The following NFATC1 variants were observed in gnomAD, a reference collection of about 807,000 sequenced individuals.
NFATC1 encodes nuclear factor of activated T-cells, cytoplasmic 1.
Under a neutral mutation model 76.0 loss-of-function variants are expected in NFATC1, and 22 were observed. The observed-to-expected ratio is 0.29, with a 90% CI of 0.21 to 0.41. The LOEUF (loss-of-function observed/expected upper bound fraction) is 0.41. Ranked by LOEUF, NFATC1 falls within the 10% of genes least tolerant of loss-of-function variation. NFATC1 has a pLI of 1.00. For missense variants in NFATC1, 1,357 were observed against 1,337.7 expected, an observed-to-expected ratio of 1.01 and a Z score of -0.23; for synonymous variants, 704 against 613.1, an observed-to-expected ratio of 1.15 and a Z score of -2.19.
rs1321601828 is a variant in NFATC1, at chr18:79,410,159, T to C, written c.128-244T>C. ...GACGTTCGGGGGCTTGTGCTGCTGT[T>C]AGGGGAGGAGGGGAGGTGGGCAGTG... On this transcript the variant is annotated intron_variant, in intron 1 of 9. Transcript: ENST00000427363. The surrounding 1 kb of genome is among the most constrained non-coding windows in gnomAD (Gnocchi z 6.7). The C allele has an allele frequency of 1.3e-6, 1 of 761,002 alleles. No homozygotes were observed. The highest frequency in any genetic ancestry group is 2.5e-5 in the East Asian group (1 of 40,560). The allele number at this position is 761,002 out of a possible 1,614,324, so 47.1% of individuals were successfully genotyped here.
chr18:79,453,171 T>C (rs960381215), intron 6 of NFATC1, among the ~76,000 whole-genome samples: 2 of 152,252 alleles, frequency 1.3e-5, no homozygotes, highest in Non-Finnish European at 2.9e-5. Context: ...TGTCCACGCG[T>C]TGGCGGAGAA....
intron 8 of NFATC1, among the ~76,000 whole-genome samples, chr18:79,484,355 C>G (rs2089434076): frequency 6.6e-6 from 1 of 152,234 alleles, no homozygotes; most frequent in South Asian, 2.1e-4. Flanking sequence ...AGGCTGCGTC[C>G]TGGGAAGGCC....
chr18:79,396,978 GAGA>G (rs2085027588), intron 1 of NFATC1, among the ~76,000 whole-genome samples: 1 of 152,242 alleles, frequency 6.6e-6, no homozygotes, highest in Non-Finnish European at 1.5e-5. Flanking sequence ...GTTCCAGCCA[GAGA>G]AGATGTTTCA....
intron 3 of NFATC1, among the ~76,000 whole-genome samples, chr18:79,434,842 G>A (rs1568957953): frequency 6.6e-6 from 1 of 152,264 alleles, no homozygotes; most frequent in South Asian, 2.1e-4. Context: ...AGGCGTTTTC[G>A]CCAGCACTTG....
chr18:79,464,360 G>A (rs2088320185), intron 7 of NFATC1, among the ~76,000 whole-genome samples: 1 of 147,650 alleles, frequency 6.8e-6, no homozygotes, highest in Admixed American at 6.8e-5. Flanking sequence ...CTCCCAAAGT[G>A]CTGGGATTAC....
At chr18:79,432,129 T>C (rs1460056161) in intron 2 of NFATC1, among the ~76,000 whole-genome samples, 12 of 152,254 alleles carry the variant, frequency 7.9e-5, no homozygotes, top group Non-Finnish European at 1.6e-4. Flanking sequence ...GCATGGAACC[T>C]GCCCTTCTCG....
chr18:79,428,536 G>C (rs1048698147), intron 2 of NFATC1, among the ~76,000 whole-genome samples: 2 of 152,246 alleles, frequency 1.3e-5, no homozygotes, highest in Non-Finnish European at 1.5e-5. Flanking sequence ...GGAGTTGGTT[G>C]TGTGGATGTT....
At chr18:79,484,844 G>C (rs1223514365) in intron 8 of NFATC1, among the ~76,000 whole-genome samples, 1 of 152,108 alleles carries the variant, frequency 6.6e-6, no homozygotes, top group Non-Finnish European at 1.5e-5. Context: ...GCCGGGACCT[G>C]TGCGGGGGGG....
intron 3 of NFATC1, among the ~76,000 whole-genome samples, chr18:79,442,636 C>T (rs1008779598): frequency 1.6e-4 from 25 of 152,234 alleles, no homozygotes; most frequent in African/African-American, 4.6e-4. Flanking sequence ...CACAGACGTG[C>T]GGTGGCGGCG....
At chr18:79,514,049 G>C (rs1291911693) in intron 9 of NFATC1, among the ~76,000 whole-genome samples, 1 of 152,200 alleles carries the variant, frequency 6.6e-6, no homozygotes, top group Non-Finnish European at 1.5e-5. Flanking sequence ...CGGAGTGGCA[G>C]GTTCCTCCAG....
intron 2 of NFATC1, among the ~76,000 whole-genome samples, chr18:79,428,139 G>A (rs913692213): frequency 2.6e-5 from 4 of 152,076 alleles, no homozygotes; most frequent in Non-Finnish European, 4.4e-5. Context: ...GCTTCTGTGC[G>A]GTGCGGGGGC....
chr18:79,411,670 C>T (rs1159785289), intron 2 of NFATC1, among the ~76,000 whole-genome samples, 169 bp downstream of exon 2: 1 of 152,294 alleles, frequency 6.6e-6, no homozygotes, highest in East Asian at 1.9e-4. Context: ...GAGTCTGTCC[C>T]CATGTCTGCC....
chr18:79,443,506 C>T (rs2087067110), intron 3 of NFATC1, among the ~76,000 whole-genome samples: 1 of 152,194 alleles, frequency 6.6e-6, no homozygotes, highest in South Asian at 2.1e-4. Context: ...TGGAGCCGTC[C>T]CTCGGGGGGT....
intron 1 of NFATC1, among the ~76,000 whole-genome samples, chr18:79,406,466 A>G (rs905286367): frequency 6.6e-6 from 1 of 152,012 alleles, no homozygotes; most frequent in Non-Finnish European, 1.5e-5. Flanking sequence ...GTGTTCCCTC[A>G]GTTCCGCTGC....
At chr18:79,423,099 G>A (rs1478110832) in intron 2 of NFATC1, among the ~76,000 whole-genome samples, 1 of 151,690 alleles carries the variant, frequency 6.6e-6, no homozygotes, top group Non-Finnish European at 1.5e-5. Flanking sequence ...GACCTGGGAG[G>A]GTTGGGGCGC....
At chr18:79,405,543 G>T (rs1029820664) in intron 1 of NFATC1, among the ~76,000 whole-genome samples, 1 of 152,242 alleles carries the variant, frequency 6.6e-6, no homozygotes, top group African/African-American at 2.4e-5. Context: ...GGAGGGAGGG[G>T]CTCACAGCCA....
intron 8 of NFATC1, among the ~76,000 whole-genome samples, chr18:79,478,226 T>C (rs7407939): frequency 0.61 from 92,758 of 151,218 alleles, 28,583 homozygotes; most frequent in African/African-American, 0.68. Flanking sequence ...GGGGCAGGCT[T>C]GTGCCTGCCA....
At chr18:79,459,176 G>A (rs890249708) in intron 6 of NFATC1, among the ~76,000 whole-genome samples, 1 of 152,216 alleles carries the variant, frequency 6.6e-6, no homozygotes, top group Non-Finnish European at 1.5e-5. Flanking sequence ...GCAGGGTGCG[G>A]GTGCTCCCAG....
chr18:79,526,436 A>G (rs969798595), intron 9 of NFATC1, among the ~76,000 whole-genome samples: 2 of 152,196 alleles, frequency 1.3e-5, no homozygotes, highest in African/African-American at 4.8e-5. Flanking sequence ...CTGTGTCTTT[A>G]CAGAGGCTGA....
Sources: allele counts gnomAD v4.1 joint callset (sites outside exome capture counted in the v4.1 genomes callset), GRCh38; gene constraint gnomAD v4.1.1; non-coding constraint Gnocchi (gnomAD v3.1); transcripts MANE v1.5; gene names NCBI Gene and HGNC (gene_info 2026-07-23, HGNC 2026-07-21).